Variants in YJU2B observed in about 807,000 individuals in gnomAD.
YJU2B encodes YJU2 splicing factor homolog B.
Under a neutral mutation model 38.0 loss-of-function variants are expected in YJU2B, and 18 were observed. The ratio of observed to expected loss-of-function variants is 0.47; its 90% CI spans 0.33 to 0.70. YJU2B has a LOEUF of 0.70. Ranked by LOEUF, YJU2B falls within the 30% of genes least tolerant of loss-of-function variation. The pLI, the probability that YJU2B is intolerant of heterozygous loss-of-function variation, is 0.02. For missense variants in YJU2B, 538 were observed against 556.3 expected, an observed-to-expected ratio of 0.97 and a Z score of 0.33; for synonymous variants, 246 against 225.4, an observed-to-expected ratio of 1.09 and a Z score of -0.82.
intron 6 of YJU2B, 144 bp downstream of exon 6, chr19:13,757,990 C>G (rs1599530654): frequency 3.0e-6 from 2 of 657,968 alleles, no homozygotes; most frequent in East Asian, 5.4e-5. Flanking sequence ...GCACACCCCA[C>G]CCCCGCAACC....
intron 2 of YJU2B, among the ~76,000 whole-genome samples, chr19:13,739,394 A>G (rs1359443001): frequency 6.6e-6 from 1 of 152,118 alleles, no homozygotes; most frequent in African/African-American, 2.4e-5. Context: ...GCATTCTTTA[A>G]TATGTTTTGA....
Position 13,759,141 on chromosome 19 carries a change from C to A in YJU2B, c.442C>A (p.Arg148=), listed in dbSNP as rs1402633437. 2 of 1,613,700 alleles carry A rather than the reference C, an allele frequency of 1.2e-6. No individual in the cohort carries two copies. The change falls in exon 8 of 10, where the codon CGG becomes AGG. Residue 148 remains arginine, a synonymous_variant. Coordinates refer to ENST00000221554, the MANE Select transcript of YJU2B (RefSeq NM_030818.4). ...KQKLETDAMF[R]LEHGEADRST... is the part of the protein sequence containing the mutation. Reference sequence around the variant, plus strand: ...GAAGCTGGAGACGGACGCCATGTTCCGGCTGGAGCATGGCGAGGCCGACCG... The same window carrying A: ...GAAGCTGGAGACGGACGCCATGTTCAGGCTGGAGCATGGCGAGGCCGACCG...
At chr19:13,744,350 A>G (rs1973175176), upstream of YJU2B, among the ~76,000 whole-genome samples, 1 of 152,216 alleles carries the variant, frequency 6.6e-6, no homozygotes, top group Admixed American at 6.5e-5. Flanking sequence ...CAAAAGGGAC[A>G]TAAAGTTTAG....
At chr19:13,749,632 CTTTTTTT>C (rs71170557) in intron 1 of YJU2B, among the ~76,000 whole-genome samples, 2 of 130,338 alleles carry the variant, frequency 1.5e-5, no homozygotes, top group African/African-American at 5.7e-5. Context: ...GAACTTCTTT[CTTTTTTT>C]TTTTTTTTTT....
upstream of YJU2B, among the ~76,000 whole-genome samples, chr19:13,744,756 G>A (rs1227526261): frequency 6.6e-6 from 1 of 152,174 alleles, no homozygotes; most frequent in African/African-American, 2.4e-5. Flanking sequence ...CACTTTGGGA[G>A]GCCGAGACGG....
At chr19:13,749,648 T>TC (rs1218516333) in intron 1 of YJU2B, among the ~76,000 whole-genome samples, 1 of 150,986 alleles carries the variant, frequency 6.6e-6, no homozygotes, top group Non-Finnish European at 1.5e-5. Flanking sequence ...TTTTTTTTTT[T>TC]TTGAGATGGA....
At position 13,762,328 on chromosome 19, in the gene YJU2B, G is replaced by GGA; in HGVS notation, c.610_611dup (p.Asp204GlufsTer11). On this transcript the variant is annotated frameshift_variant, in exon 9 of 10. Coordinates refer to ENST00000221554, the MANE Select transcript of YJU2B (RefSeq NM_030818.4). LOFTEE classifies it high-confidence loss of function. The stretch of plus-strand genomic sequence containing the variant: ...AGAAAAAAGCCATCCAGGAGGAGGA[G>GGA]GAGAGAGACCAGGCCTTGCAGGCCA... 1 of 1,613,950 alleles carries GGA rather than the reference G, an allele frequency of 6.2e-7. No homozygotes were observed. Among genetic ancestry groups the GGA allele is most frequent in the Non-Finnish European group, 8.5e-7 (1 of 1,180,018 alleles).
chr19:13,748,067 A>C (rs928556536), intron 1 of YJU2B, 113 bp downstream of exon 1: 1 of 152,036 alleles, frequency 6.6e-6, no homozygotes, highest in African/African-American at 2.4e-5. Flanking sequence ...GGAGCTGAGG[A>C]CCCGATTTAG....
upstream of YJU2B, among the ~76,000 whole-genome samples, chr19:13,745,689 A>AGATAGATG (rs1269146789): frequency 1.1e-5 from 1 of 92,824 alleles, no homozygotes; most frequent in Non-Finnish European, 2.2e-5. Context: ...ATAGATAGAT[A>AGATAGATG]GATATAGATA....
upstream of YJU2B, among the ~76,000 whole-genome samples, chr19:13,746,708 A>C (rs1973260227): frequency 6.6e-6 from 1 of 152,214 alleles, no homozygotes. Flanking sequence ...GGACTTCCAG[A>C]CCAGTCTGGC....
intron 1 of YJU2B, among the ~76,000 whole-genome samples, chr19:13,750,717 C>T (rs1973426325): frequency 6.6e-6 from 1 of 151,854 alleles, no homozygotes; most frequent in Admixed American, 6.6e-5. Flanking sequence ...AAAAAATTAG[C>T]CAGGCTTGGT....
intron 2 of YJU2B, among the ~76,000 whole-genome samples, chr19:13,737,907 A>T (rs1972996849): frequency 6.6e-6 from 1 of 152,164 alleles, no homozygotes; most frequent in African/African-American, 2.4e-5. Context: ...CCAAAGGTAA[A>T]TAAGCTTCAG....
upstream of YJU2B, among the ~76,000 whole-genome samples, chr19:13,746,641 T>C (rs922658020): frequency 4.6e-5 from 7 of 152,242 alleles, no homozygotes; most frequent in African/African-American, 1.2e-4. Context: ...GCCCAGTGGC[T>C]CATGCCTGTA....
intron 1 of YJU2B, 22 bp from the exon 2 acceptor site, chr19:13,751,586 G>C: frequency 1.7e-6 from 1 of 579,944 alleles, no homozygotes; most frequent in Non-Finnish European, 3.1e-6. Flanking sequence ...TAGAGTGGAC[G>C]GGACTCTCTC....
chr19:13,758,593 A>G (rs1973757609), intron 6 of YJU2B, among the ~76,000 whole-genome samples: 1 of 152,264 alleles, frequency 6.6e-6, no homozygotes, highest in African/African-American at 2.4e-5. Flanking sequence ...TGAATTAACG[A>G]ATAAATGAAC....
chr19:13,762,272 CT>C (rs1418830213), intron 8 of YJU2B, 26 bp from the exon 9 acceptor site: 22 of 1,610,810 alleles, frequency 1.4e-5, no homozygotes, highest in Non-Finnish European at 1.9e-5. Context: ...CACCCCCTAT[CT>C]CTGGTGTTCT....
At chr19:13,745,707 ATC>A (rs1555699840), upstream of YJU2B, among the ~76,000 whole-genome samples, 14,549 of 70,150 alleles carry the variant, frequency 0.21, 1,191 homozygotes, top group Middle Eastern at 0.29. Context: ...ATATATAGAT[ATC>A]TATAGATCTA....
chr19:13,734,438 ACAC>A (rs1457711490), intron 2 of YJU2B, among the ~76,000 whole-genome samples: 1 of 151,924 alleles, frequency 6.6e-6, no homozygotes, highest in Non-Finnish European at 1.5e-5. Context: ...TTACAGGGAC[ACAC>A]CACCACGTCT....
At position 13,762,628 on chromosome 19, in the gene YJU2B, A is replaced by T; in HGVS notation, c.751A>T (p.Ile251Phe). The change falls in exon 10 of 10, where the codon ATC (isoleucine) becomes TTC (phenylalanine). Residue 251 changes from isoleucine (I) to phenylalanine (F), a missense_variant. This residue lies in a region of YJU2B where 488 missense variants were observed against 469.5 expected (regional missense o/e 1.04). Coordinates refer to ENST00000221554, the MANE Select transcript of YJU2B (RefSeq NM_030818.4). ...DKQKLKRTEI[I>F]SRSWFPSAPG... Reference sequence around the variant, plus strand: ...GCAGAAACTCAAGCGGACCGAGATCATCAGCCGCTCCTGGTTCCCCTCTGC... The same window carrying T: ...GCAGAAACTCAAGCGGACCGAGATCTTCAGCCGCTCCTGGTTCCCCTCTGC... The T allele has an allele frequency of 6.5e-7, 1 of 1,535,612 alleles. No homozygotes were observed. The highest frequency in any genetic ancestry group is 8.7e-7 in the Non-Finnish European group (1 of 1,149,802).
Sources: gnomAD v4.1 joint callset for allele counts (sites outside exome capture counted in the v4.1 genomes callset) on GRCh38, gnomAD v4.1.1 for gene constraint, gnomAD v4.1.1 regional missense constraint, MANE v1.5 for transcripts, NCBI Gene and HGNC (gene_info 2026-07-23, HGNC 2026-07-21) for gene names.